MARCHF3: variants seen among roughly 807,000 people sequenced by gnomAD.
MARCHF3 encodes membrane associated ring-CH-type finger 3.
Under a neutral mutation model 24.2 loss-of-function variants are expected in MARCHF3, and 13 were observed. The ratio of observed to expected loss-of-function variants is 0.54; its 90% confidence interval spans 0.35 to 0.85. The LOEUF (loss-of-function observed/expected upper bound fraction) is 0.85. MARCHF3 is among the 40% of genes least tolerant of loss of function. The pLI, the probability that MARCHF3 is intolerant of heterozygous loss-of-function variation, is 0.01. For synonymous variants in MARCHF3, 144 were observed against 137.3 expected (o/e 1.05, Z -0.34); for missense variants, 276 against 325.0 (o/e 0.85, Z 1.16).
intron 3 of MARCHF3, among the ~76,000 whole-genome samples, chr5:126,880,524 G>C (rs1753308403): frequency 6.6e-6 from 1 of 152,174 alleles, no homozygotes; most frequent in African/African-American, 2.4e-5. Context: ...TCTTGCCTGA[G>C]TACTGGGAAT....
chr5:126,993,817 G>T (rs1751856123), intron 1 of MARCHF3, among the ~76,000 whole-genome samples: 1 of 152,152 alleles, frequency 6.6e-6, no homozygotes, highest in East Asian at 1.9e-4. Context: ...ACCTTTAAGT[G>T]ACTTTCACTC....
rs1022323732 is a variant in MARCHF3 at position 126,981,321 on chromosome 5, C to T, written c.-57+49029G>A. Among the ~76,000 whole-genome samples the T allele has an allele frequency of 2.6e-5, 4 of 152,148 alleles. No homozygotes were observed. In the East Asian group the frequency reaches 7.7e-4, roughly 29 times the overall value. On this transcript the variant is annotated intron_variant, in intron 1 of 4. Transcript: ENST00000308660. ...ACTCAAGCAAGGCTGTGCAAAACAT[C>T]GAGTAAACTTTCATCCATTCAGGGA...
At chr5:126,984,831 T>A (rs1485425986) in intron 1 of MARCHF3, among the ~76,000 whole-genome samples, 7 of 152,170 alleles carry the variant, frequency 4.6e-5, no homozygotes, top group African/African-American at 7.2e-5. Flanking sequence ...TCTGGAAAAC[T>A]AAGTGGAATA....
rs924695672 is a variant in MARCHF3, at chr5:126,895,343, T to C, written c.394-16949A>G. 1.4e-4 allele frequency among the ~76,000 whole-genome samples: 22 copies of C among 152,244 alleles called. 1 individual carries two copies. The highest frequency in any genetic ancestry group is 6.8e-3 in the Middle Eastern group (2 of 294). ...TCATTCTCCATCTAGCTTTGTTCCGTTGCTGGTGAGGAACTGCGTTCCTTT... is the reference window on the plus strand; with the variant it reads ...TCATTCTCCATCTAGCTTTGTTCCGCTGCTGGTGAGGAACTGCGTTCCTTT... On this transcript the variant is annotated intron_variant, in intron 3 of 4. Coordinates refer to ENST00000308660, the MANE Select transcript of MARCHF3 (RefSeq NM_178450.5).
At chr5:126,871,708 CTCTCT>C (rs1035271512) in intron 4 of MARCHF3, among the ~76,000 whole-genome samples, 3 of 142,914 alleles carry the variant, frequency 2.1e-5, no homozygotes, top group Non-Finnish European at 4.7e-5. Context: ...TTAAGCCTCT[CTCTCT>C]TTTTTTTTTT....
chr5:126,944,937 T>A (rs1749958978), intron 1 of MARCHF3, among the ~76,000 whole-genome samples: 1 of 152,230 alleles, frequency 6.6e-6, no homozygotes, highest in Non-Finnish European at 1.5e-5. Flanking sequence ...CCTTCCTTAG[T>A]CATTCTTAAA....
intron 3 of MARCHF3, among the ~76,000 whole-genome samples, chr5:126,898,515 C>T (rs1754000431): frequency 6.6e-6 from 1 of 152,230 alleles, no homozygotes; most frequent in South Asian, 2.1e-4. Context: ...CCATTTATTA[C>T]CTCCATCTCT....
intron 1 of MARCHF3, among the ~76,000 whole-genome samples, chr5:126,949,830 G>A (rs1165805380): frequency 6.6e-6 from 1 of 152,170 alleles, no homozygotes; most frequent in Non-Finnish European, 1.5e-5. Flanking sequence ...GGAACTCAGG[G>A]AAAAACATCA....
chr5:127,022,514 ATAGT>A (rs571703691), intron 1 of MARCHF3, among the ~76,000 whole-genome samples: 60 of 152,224 alleles, frequency 3.9e-4, no homozygotes, highest in Non-Finnish European at 7.6e-4. Flanking sequence ...ACAAGATTTA[ATAGT>A]TAGGACACTG....
rs375521641 is a variant in MARCHF3, at chr5:126,933,680, G to A, written c.-56-15453C>T. Among the ~76,000 whole-genome samples the A allele has an allele frequency of 9.1e-4, 139 of 152,192 alleles. 2 individuals carry two copies. The South Asian group carries it at 0.028, about 31-fold the overall frequency. On this transcript the variant is annotated intron_variant, in intron 1 of 4. Coordinates refer to ENST00000308660, the MANE Select transcript of MARCHF3 (RefSeq NM_178450.5). Reference sequence around the variant, plus strand: ...AGGATGGTCTTGATTTCCTGACCTCGTGATTCACATGCCTTGGCCTCCCAA... The same window carrying A: ...AGGATGGTCTTGATTTCCTGACCTCATGATTCACATGCCTTGGCCTCCCAA...
intron 1 of MARCHF3, among the ~76,000 whole-genome samples, chr5:126,985,984 G>A (rs1365217634): frequency 6.6e-6 from 1 of 152,208 alleles, no homozygotes. Flanking sequence ...TTACAAAAGA[G>A]TTTAAATCAT....
intron 1 of MARCHF3, among the ~76,000 whole-genome samples, chr5:126,952,987 GAGA>G (rs1292752588): frequency 6.6e-6 from 1 of 152,160 alleles, no homozygotes; most frequent in Non-Finnish European, 1.5e-5. Context: ...TGTACCCTGA[GAGA>G]AGGAGATGCA....
At chr5:126,920,168 ATCT>A (rs1391691231) in intron 1 of MARCHF3, among the ~76,000 whole-genome samples, 3 of 152,142 alleles carry the variant, frequency 2.0e-5, no homozygotes, top group Admixed American at 6.5e-5. Context: ...TTGGGTAGAT[ATCT>A]TCTTTTTATT....
chr5:127,019,635 G>T (rs1351359829), intron 1 of MARCHF3, among the ~76,000 whole-genome samples: 1 of 152,154 alleles, frequency 6.6e-6, no homozygotes, highest in African/African-American at 2.4e-5. Context: ...AAAATAACCA[G>T]TCTTAGATTG....
intron 3 of MARCHF3, among the ~76,000 whole-genome samples, chr5:126,883,489 C>G (rs1753407216): frequency 6.6e-6 from 1 of 152,062 alleles, no homozygotes; most frequent in Admixed American, 6.6e-5. Flanking sequence ...AATAAATAAA[C>G]AAACTAGAAA....
intron 1 of MARCHF3, among the ~76,000 whole-genome samples, chr5:126,936,436 A>C (rs931039378): frequency 6.6e-6 from 1 of 152,220 alleles, no homozygotes; most frequent in Non-Finnish European, 1.5e-5. Context: ...GGGCACTAAC[A>C]TGAGTTTATA....
chr5:126,943,325 C>T (rs193111338), intron 1 of MARCHF3, among the ~76,000 whole-genome samples: 11 of 151,534 alleles, frequency 7.3e-5, no homozygotes, highest in Non-Finnish European at 1.0e-4. Flanking sequence ...CACTTGTAAT[C>T]CCAGCACCTT....
intron 1 of MARCHF3, among the ~76,000 whole-genome samples, chr5:126,935,452 G>C (rs1749612301): frequency 6.6e-6 from 1 of 151,968 alleles, no homozygotes; most frequent in South Asian, 2.1e-4. Flanking sequence ...GCCAGCATTT[G>C]AGCTAGAACC....
At chr5:126,891,056 T>C (rs1474663827) in intron 3 of MARCHF3, among the ~76,000 whole-genome samples, 1 of 151,182 alleles carries the variant, frequency 6.6e-6, no homozygotes, top group Non-Finnish European at 1.5e-5. Context: ...GAGCATTTTT[T>C]CATGTGTTTT....
Sources: allele counts gnomAD v4.1 joint callset (sites outside exome capture counted in the v4.1 genomes callset), GRCh38; gene constraint gnomAD v4.1.1; transcripts MANE v1.5; gene names NCBI Gene and HGNC (gene_info 2026-07-23, HGNC 2026-07-21).